LTBP1: variants seen among roughly 807,000 people sequenced by gnomAD.
LTBP1 encodes the protein latent transforming growth factor beta binding protein 1.
LTBP1 carries 129 observed loss-of-function variants against 207.6 expected under a neutral mutation model. That is an observed-to-expected ratio of 0.62 (90% confidence interval 0.54 to 0.72). LTBP1 has a LOEUF of 0.72. Among genes scored for constraint, LTBP1 ranks in the 30% least tolerant of loss-of-function variants. LTBP1 has a pLI of 0.00. For missense variants in LTBP1, 2,281 were observed against 2,217.2 expected (o/e 1.03, Z -0.58); for synonymous variants, 963 against 833.7 (o/e 1.16, Z -2.67).
At chr2:33,004,167 A>G (rs1284337244) in intron 2 of LTBP1, among the ~76,000 whole-genome samples, 2 of 151,398 alleles carry the variant, frequency 1.3e-5, no homozygotes, top group Non-Finnish European at 2.9e-5. Context: ...AAAGTCTTTT[A>G]AAGATGGAGC....
intron 3 of LTBP1, among the ~76,000 whole-genome samples, chr2:33,101,962 T>C (rs2079765058): frequency 6.6e-6 from 1 of 152,218 alleles, no homozygotes; most frequent in African/African-American, 2.4e-5. Flanking sequence ...ATCTGCTTTT[T>C]TTAGCACGTA....
intron 3 of LTBP1, among the ~76,000 whole-genome samples, chr2:33,076,880 T>G (rs542631): frequency 0.89 from 135,468 of 152,128 alleles, 62,189 homozygotes; most frequent in East Asian, 1. Flanking sequence ...CTTCCAAGAG[T>G]TCTGTGGCAT....
chr2:33,244,796 G>A (rs970427924), intron 10 of LTBP1, among the ~76,000 whole-genome samples: 3 of 152,186 alleles, frequency 2.0e-5, no homozygotes, highest in African/African-American at 4.8e-5. Flanking sequence ...CTGCATGGCA[G>A]AAAACTATTA....
intron 2 of LTBP1, among the ~76,000 whole-genome samples, chr2:32,954,548 GC>G (rs531876196): frequency 0.027 from 3,670 of 136,034 alleles, 199 homozygotes; most frequent in African/African-American, 0.095. Context: ...TCCACTCCCC[GC>G]CCCCCCCCAC....
chr2:33,080,965 A>G (rs532202967), intron 3 of LTBP1, among the ~76,000 whole-genome samples: 1 of 152,364 alleles, frequency 6.6e-6, no homozygotes, highest in African/African-American at 2.4e-5. Flanking sequence ...GATTTATTTA[A>G]TATAAGTTTC....
At chr2:33,117,003 A>G (rs1572705038) in intron 4 of LTBP1, among the ~76,000 whole-genome samples, 1 of 152,306 alleles carries the variant, frequency 6.6e-6, no homozygotes, top group South Asian at 2.1e-4. Context: ...GCCCTCTCTC[A>G]GTCTTTGCAA....
At chr2:33,080,842 A>C (rs115100205) in intron 3 of LTBP1, among the ~76,000 whole-genome samples, 95 of 152,330 alleles carry the variant, frequency 6.2e-4, no homozygotes, top group African/African-American at 2.2e-3. Flanking sequence ...GCGTATATAC[A>C]CACACATATA....
chr2:33,071,882 C>G, intron 3 of LTBP1, among the ~76,000 whole-genome samples: 1 of 152,216 alleles, frequency 6.6e-6, no homozygotes, highest in East Asian at 1.9e-4. Flanking sequence ...CAAAGCAAAT[C>G]TGACACCGGA....
chr2:33,174,211 A>G, intron 5 of LTBP1, among the ~76,000 whole-genome samples: 1 of 147,624 alleles, frequency 6.8e-6, no homozygotes, highest in Non-Finnish European at 1.5e-5. Flanking sequence ...AGAGGAAGTC[A>G]AATTGTCCCT....
chr2:33,111,618 G>T (rs569174898), intron 4 of LTBP1, among the ~76,000 whole-genome samples: 29 of 152,054 alleles, frequency 1.9e-4, no homozygotes, highest in Non-Finnish European at 4.0e-4. Context: ...TTGTGGCTTT[G>T]GTTCCCTACA....
Position 33,271,677 on chromosome 2 carries a change from C to G in LTBP1, c.2618-1979C>G, listed in dbSNP as rs17012717. Among the ~76,000 whole-genome samples the G allele has an allele frequency of 6.9e-3, 1,046 of 152,152 alleles. 8 individuals carry two copies. Among genetic ancestry groups the G allele is most frequent in the African/African-American group, 0.022 (931 of 41,522 alleles). ...AAAAAAAATGAAGAAAATGCTAATCCTAAAAACCATAAAACTTGGATCTAC... is the reference window on the plus strand; with the variant it reads ...AAAAAAAATGAAGAAAATGCTAATCGTAAAAACCATAAAACTTGGATCTAC... On this transcript the variant is annotated intron_variant, in intron 15 of 33. Transcript: ENST00000404816.
At chr2:33,128,967 G>T (rs1364049809) in intron 4 of LTBP1, among the ~76,000 whole-genome samples, 4 of 152,208 alleles carry the variant, frequency 2.6e-5, no homozygotes, top group African/African-American at 9.6e-5. Flanking sequence ...AGAAGGGATT[G>T]CCAGATGTGT....
chr2:33,161,237 T>G, intron 5 of LTBP1, among the ~76,000 whole-genome samples: 1 of 151,828 alleles, frequency 6.6e-6, no homozygotes, highest in Admixed American at 6.6e-5. Context: ...TACGTAGAGG[T>G]TAAATAGGAA....
In LTBP1 at chr2:33,205,557, T is replaced by C. The variant is rs140247836; in HGVS notation, c.1702-11995T>C. Among the ~76,000 whole-genome samples the C allele has an allele frequency of 6.8e-3, 1,043 of 152,336 alleles. 5 individuals carry two copies. Among genetic ancestry groups the C allele is most frequent in the Middle Eastern group, 0.037 (11 of 294 alleles). ...ACTTGGGTTGATAGTGGTTCCATCA[T>C]GTTACTGCCATGTTATCCAGAATAT... On this transcript the variant is annotated intron_variant, in intron 7 of 33. Coordinates refer to ENST00000404816, the MANE Select transcript of LTBP1 (RefSeq NM_206943.4).
chr2:33,379,556 C>A (rs1242965906), intron 31 of LTBP1, among the ~76,000 whole-genome samples: 2 of 152,186 alleles, frequency 1.3e-5, no homozygotes, highest in African/African-American at 4.8e-5. Flanking sequence ...TGAGCCCCTT[C>A]CAAAGAAATC....
At chr2:33,378,585 A>G (rs916661614) in intron 31 of LTBP1, among the ~76,000 whole-genome samples, 1 of 152,146 alleles carries the variant, frequency 6.6e-6, no homozygotes, top group African/African-American at 2.4e-5. Flanking sequence ...TTTTGAAAAT[A>G]GGGCTAGTTG....
intron 7 of LTBP1, among the ~76,000 whole-genome samples, chr2:33,198,637 A>G (rs1186847829): frequency 1.3e-5 from 2 of 152,220 alleles, no homozygotes; most frequent in South Asian, 2.1e-4. Context: ...GAGAGTGTAT[A>G]TGTCGAGGAA....
At chr2:32,992,876 G>A (rs1684636634) in intron 2 of LTBP1, among the ~76,000 whole-genome samples, 1 of 152,132 alleles carries the variant, frequency 6.6e-6, no homozygotes, top group Admixed American at 6.5e-5. Context: ...TGGAGTGGGA[G>A]TAGGGAGTGG....
At chr2:33,256,325 A>T (rs2092849277) in intron 11 of LTBP1, among the ~76,000 whole-genome samples, 3 of 151,828 alleles carry the variant, frequency 2.0e-5, no homozygotes, top group Admixed American at 6.6e-5. Flanking sequence ...CTATCCCGAG[A>T]TTCTCCCCTT....
Sources: gnomAD v4.1 joint callset for allele counts (sites outside exome capture counted in the v4.1 genomes callset) on GRCh38, gnomAD v4.1.1 for gene constraint, MANE v1.5 for transcripts, NCBI Gene and HGNC (gene_info 2026-07-23, HGNC 2026-07-21) for gene names.